The following IGSF10 variants were observed in gnomAD, a reference collection of about 807,000 sequenced individuals.
IGSF10 encodes the protein calvaria mechanical force protein 608.
IGSF10 carries 126 observed loss-of-function variants against 128.2 expected under a neutral mutation model. The ratio of observed to expected loss-of-function variants is 0.98; its 90% CI spans 0.85 to 1.14. The LOEUF is 1.14. Among genes scored for constraint, IGSF10 ranks in the 50% most tolerant of loss-of-function variants. The pLI is 0.00. For synonymous variants in IGSF10, 1,185 were observed against 1,146.2 expected, an observed-to-expected ratio of 1.03 and a Z score of -0.68; for missense variants, 3,295 against 3,149.8, an observed-to-expected ratio of 1.05 and a Z score of -1.10.
chr3:151,531,312 A>G, the IGSF10 span, among the ~76,000 whole-genome samples: 2 of 152,150 alleles, frequency 1.3e-5, no homozygotes, highest in South Asian at 4.1e-4. Context: ...CAGGACTTGA[A>G]CTCACCTCTG....
At chr3:151,556,275 T>A in the IGSF10 span, among the ~76,000 whole-genome samples, 1 of 152,158 alleles carries the variant, frequency 6.6e-6, no homozygotes, top group African/African-American at 2.4e-5. Flanking sequence ...AAAGTACCAC[T>A]AACACAGACT....
chr3:151,453,888 C>A, intron 4 of IGSF10, 114 bp from the exon 5 acceptor site: 2 of 606,406 alleles, frequency 3.3e-6, no homozygotes, highest in South Asian at 2.6e-5. Flanking sequence ...ATTTATATAC[C>A]TTCTTAGGAT....
At chr3:151,560,082 G>C in the IGSF10 span, among the ~76,000 whole-genome samples, 1 of 152,056 alleles carries the variant, frequency 6.6e-6, no homozygotes, top group Non-Finnish European at 1.5e-5. Context: ...GACCAGGATA[G>C]GCCACCCCAA....
chr3:151,574,660 G>GA, the IGSF10 span, among the ~76,000 whole-genome samples: 1 of 152,080 alleles, frequency 6.6e-6, no homozygotes, highest in Non-Finnish European at 1.5e-5. Flanking sequence ...TGATGGGTTC[G>GA]AACATCCTCC....
chr3:151,536,982 T>C, the IGSF10 span, among the ~76,000 whole-genome samples: 1 of 152,184 alleles, frequency 6.6e-6, no homozygotes, highest in Non-Finnish European at 1.5e-5. Flanking sequence ...GCAGGCCCAA[T>C]AAGAGTGAGA....
chr3:151,574,584 T>C, the IGSF10 span, among the ~76,000 whole-genome samples: 1 of 152,252 alleles, frequency 6.6e-6, no homozygotes, highest in Non-Finnish European at 1.5e-5. Flanking sequence ...ATTTAAAGTC[T>C]TCTCTCCACT....
chr3:151,447,336 A>G lies in IGSF10; in HGVS notation c.2645T>C (p.Ile882Thr). 1 of 1,614,170 alleles carries G rather than the reference A, an allele frequency of 6.2e-7. No individual in the cohort carries two copies. Among genetic ancestry groups the G allele is most frequent in the Non-Finnish European group, 8.5e-7 (1 of 1,180,042 alleles). ...TGAATGTTGATTGGTTGTGCCTTGT[A>G]TTTGGCTTGACATGGTTGGGTTTAT... Reference protein sequence around the residue: ...KNINPTMSSQIQGTTNQHSST... With the variant: ...KNINPTMSSQTQGTTNQHSST... Residue 882 changes from isoleucine (I) to threonine (T), a missense_variant, in exon 6 of 8, where the codon ATA becomes ACA. Transcript: ENST00000282466.
the IGSF10 span, among the ~76,000 whole-genome samples, chr3:151,560,934 G>A: frequency 0.1 from 15,830 of 152,146 alleles, 1,141 homozygotes; most frequent in Non-Finnish European, 0.16. Flanking sequence ...CTGAGTCTTC[G>A]TTTACTTGTT....
chr3:151,617,766 G>A, the IGSF10 span, among the ~76,000 whole-genome samples: 25 of 152,210 alleles, frequency 1.6e-4, no homozygotes, highest in Admixed American at 3.9e-4. Flanking sequence ...CAGTGTAACA[G>A]TATTAAGAGG....
chr3:151,547,563 T>C, the IGSF10 span, among the ~76,000 whole-genome samples: 1 of 152,136 alleles, frequency 6.6e-6, no homozygotes, highest in Non-Finnish European at 1.5e-5. Flanking sequence ...TCCTAGAGCC[T>C]GGACTGGAGG....
chr3:151,444,782 A>C (rs899681335), intron 6 of IGSF10, 137 bp downstream of exon 6: 2 of 734,802 alleles, frequency 2.7e-6, no homozygotes, highest in Non-Finnish European at 4.3e-6. Context: ...CCAGTGTCAA[A>C]TGAGGATATT....
rs763254204 is a variant in IGSF10 at position 151,448,250 on chromosome 3, C to G, written c.1731G>C (p.Gln577His). 11 of 1,614,170 alleles carry G rather than the reference C, an allele frequency of 6.8e-6. No individual in the cohort carries two copies. The highest frequency in any genetic ancestry group is 9.3e-6 in the Non-Finnish European group (11 of 1,180,018). Residue 577 changes from glutamine to histidine, a missense_variant, in exon 6 of 8, where the codon CAG (glutamine) becomes CAC (histidine). Coordinates refer to ENST00000282466, the MANE Select transcript of IGSF10 (RefSeq NM_178822.5). ...AAACTGTGTGATGAATCCCATTTTC[C>G]TGATAGGCTTCGACCAAAGGTTCTA... is the stretch of plus-strand genomic sequence containing the variant. Reference protein sequence around the residue: ...TVVEPLVEAYQENGIHHTVFI... With the variant: ...TVVEPLVEAYHENGIHHTVFI...
chr3:151,467,659 T>A, the IGSF10 span, among the ~76,000 whole-genome samples: 61 of 151,708 alleles, frequency 4.0e-4, no homozygotes, highest in African/African-American at 1.3e-3. Flanking sequence ...CCGAGGTGGG[T>A]GGATCACGAG....
At chr3:151,500,652 C>T in the IGSF10 span, among the ~76,000 whole-genome samples, 1 of 151,982 alleles carries the variant, frequency 6.6e-6, no homozygotes, top group African/African-American at 2.4e-5. Flanking sequence ...ATGAAGAAAT[C>T]GAGACTCAAA....
chr3:151,514,020 C>A, the IGSF10 span, among the ~76,000 whole-genome samples: 4 of 152,140 alleles, frequency 2.6e-5, no homozygotes, highest in African/African-American at 9.7e-5. Context: ...TAGGAAGAAT[C>A]AATATCGTGA....
At chr3:151,461,355 C>A, upstream of IGSF10, 1 of 985,326 alleles carries the variant, frequency 1.0e-6, no homozygotes, top group Non-Finnish European at 1.2e-6. Flanking sequence ...CGTAAATCGC[C>A]GCAGGCTGTC....
the IGSF10 span, among the ~76,000 whole-genome samples, chr3:151,606,597 G>A: frequency 0.095 from 14,451 of 152,196 alleles, 752 homozygotes; most frequent in Admixed American, 0.15. Flanking sequence ...TGGAGACAGA[G>A]GTATTTGTTG....
chr3:151,461,448 T>C (rs1722058087), upstream of IGSF10: 2 of 982,076 alleles, frequency 2.0e-6, no homozygotes, highest in Non-Finnish European at 2.4e-6. Context: ...CAATGTTTTA[T>C]TTAAACCCCT....
the IGSF10 span, among the ~76,000 whole-genome samples, chr3:151,517,721 G>A: frequency 1.3e-5 from 2 of 151,926 alleles, no homozygotes; most frequent in Admixed American, 6.6e-5. Flanking sequence ...CATTGTTCTG[G>A]AATGAGCTCT....
Sources: allele counts gnomAD v4.1 joint callset (sites outside exome capture counted in the v4.1 genomes callset), GRCh38; gene constraint gnomAD v4.1.1; transcripts MANE v1.5; gene names NCBI Gene and HGNC (gene_info 2026-07-23, HGNC 2026-07-21).